TMEM163: variants seen among roughly 807,000 people sequenced by gnomAD.
TMEM163 encodes the protein transmembrane protein 163.
In TMEM163, 17 loss-of-function variants were observed where a neutral mutation model predicts 29.3. The observed-to-expected ratio is 0.58, with a 90% CI of 0.40 to 0.87. TMEM163 has a LOEUF of 0.87. TMEM163 is among the 40% of genes least tolerant of loss of function. The pLI is 0.00. For synonymous variants in TMEM163, 157 were observed against 160.6 expected (o/e 0.98, Z 0.17); for missense variants, 303 against 381.5 (o/e 0.79, Z 1.71).
At chr2:134,574,294 T>A (rs1337007901) in intron 2 of TMEM163, among the ~76,000 whole-genome samples, 1 of 152,248 alleles carries the variant, frequency 6.6e-6, no homozygotes, top group East Asian at 1.9e-4. Context: ...GTACAATGGC[T>A]CATGCCTCTA....
rs1026868012 is a variant in TMEM163, at chr2:134,487,920, T to C, written c.555+14981A>G. On this transcript the variant is annotated intron_variant, in intron 5 of 7. Transcript: ENST00000281924. ...TCTTTTAAAAGATAATACAGGTATA[T>C]ATCTTCATGGCATCAGGGCAATAGA... Among the ~76,000 whole-genome samples the C allele has an allele frequency of 2.6e-4, 39 of 152,208 alleles. 1 individual carries two copies. Among genetic ancestry groups the C allele is most frequent in the African/African-American group, 7.2e-4 (30 of 41,530 alleles).
chr2:134,707,844 A>G (rs1684849543), intron 2 of TMEM163, among the ~76,000 whole-genome samples: 1 of 150,960 alleles, frequency 6.6e-6, no homozygotes, highest in African/African-American at 2.4e-5. Context: ...TCCTGAGGAG[A>G]AGAAGTTTGG....
chr2:134,710,109 A>G (rs780608564), intron 2 of TMEM163, among the ~76,000 whole-genome samples: 3 of 152,176 alleles, frequency 2.0e-5, no homozygotes, highest in Non-Finnish European at 4.4e-5. Flanking sequence ...ATGTCTCCCT[A>G]AAGAGTATAA....
chr2:134,683,468 C>T (rs1016018636), intron 2 of TMEM163, among the ~76,000 whole-genome samples: 1 of 150,688 alleles, frequency 6.6e-6, no homozygotes, highest in African/African-American at 2.4e-5. Context: ...CTAAACTAAA[C>T]TCATTTGTGA....
chr2:134,524,765 A>G (rs1255372537), intron 4 of TMEM163, among the ~76,000 whole-genome samples: 1 of 150,374 alleles, frequency 6.7e-6, no homozygotes, highest in Non-Finnish European at 1.5e-5. Flanking sequence ...TATCCAGTCT[A>G]TCATTGATGG....
In TMEM163 at chr2:134,536,525, A is replaced by G. The variant is rs1680543612; in HGVS notation, c.458+14045T>C. Among the ~76,000 whole-genome samples the G allele has an allele frequency of 3.3e-5, 5 of 152,180 alleles. No individual in the cohort carries two copies. The South Asian group carries it at 1.0e-3, about 32-fold the overall frequency. ...GCTCTGGAGGCTAGCGGCACAGGGCATGAATCCTCACCCCACCAGCAGGAT... is the reference window on the plus strand; with the variant it reads ...GCTCTGGAGGCTAGCGGCACAGGGCGTGAATCCTCACCCCACCAGCAGGAT... On this transcript the variant is annotated intron_variant, in intron 4 of 7. Coordinates refer to ENST00000281924, the MANE Select transcript of TMEM163 (RefSeq NM_030923.5).
At chr2:134,472,116 T>G (rs372802122) in intron 5 of TMEM163, among the ~76,000 whole-genome samples, 9 of 152,354 alleles carry the variant, frequency 5.9e-5, no homozygotes, top group South Asian at 2.1e-4. Context: ...AAAGGTAAAC[T>G]CCACATAAAT....
chr2:134,669,416 T>C (rs1055221984), intron 2 of TMEM163, among the ~76,000 whole-genome samples: 1 of 152,264 alleles, frequency 6.6e-6, no homozygotes, highest in South Asian at 2.1e-4. Context: ...CATCTCCAGA[T>C]GGAAGACACA....
intron 5 of TMEM163, among the ~76,000 whole-genome samples, chr2:134,477,842 C>T (rs1686954824): frequency 6.6e-6 from 1 of 152,176 alleles, no homozygotes; most frequent in African/African-American, 2.4e-5. Context: ...TGAAGCTGTA[C>T]AAGATGTGGA....
chr2:134,501,716 T>C (rs76131702), intron 5 of TMEM163, among the ~76,000 whole-genome samples: 3,415 of 152,144 alleles, frequency 0.022, 94 homozygotes, highest in East Asian at 0.15. Context: ...ACCAGGGAGA[T>C]TGGTTAAGTA....
In TMEM163 at chr2:134,560,960, G is replaced by A. The variant is rs572816692; in HGVS notation, c.323-8869C>T. ...ACCAGCTCAGAGACAAAAAGACAAA[G>A]ACCCCAGCTTTTAATGACAAAACTT... On this transcript the variant is annotated intron_variant, in intron 2 of 7. Coordinates refer to ENST00000281924, the MANE Select transcript of TMEM163 (RefSeq NM_030923.5). Among the ~76,000 whole-genome samples the A allele has an allele frequency of 2.8e-4, 42 of 151,846 alleles. No individual in the cohort carries two copies. In the East Asian group the frequency reaches 5.2e-3, roughly 19 times the overall value.
chr2:134,507,367 A>T (rs1256401088), intron 4 of TMEM163, among the ~76,000 whole-genome samples: 4 of 112,456 alleles, frequency 3.6e-5, no homozygotes, highest in African/African-American at 9.9e-5. Flanking sequence ...TAAATAAATA[A>T]ATAAATAAAT....
rs557252028 is a variant in TMEM163 at position 134,469,665 on chromosome 2, G to C, written c.556-3440C>G. On this transcript the variant is annotated intron_variant, in intron 5 of 7. Transcript: ENST00000281924. Reference sequence around the variant, plus strand: ...TGTGGCTCCACGGGCTCGCCCAGGGGAGAGAGGGGCCGCACCGAGCCCATG... The same window carrying C: ...TGTGGCTCCACGGGCTCGCCCAGGGCAGAGAGGGGCCGCACCGAGCCCATG... The C allele has an allele frequency of 2.6e-5, 4 of 152,412 alleles. No homozygotes were observed. The South Asian group carries it at 8.3e-4, about 32-fold the overall frequency. 9.4% of individuals were successfully genotyped at this position (152,412 alleles called of 1,614,324 possible). A position where few individuals can be genotyped will look rare whatever the true frequency, so the allele number is the denominator to read the frequency against.
chr2:134,700,933 A>AATACATAC (rs1241395014), intron 2 of TMEM163, among the ~76,000 whole-genome samples: 4 of 82,728 alleles, frequency 4.8e-5, no homozygotes, highest in East Asian at 3.5e-4. Flanking sequence ...TAAATAAATA[A>AATACATAC]ATAAATAAAT....
chr2:134,457,640 A>C (rs1686429315), intron 7 of TMEM163, among the ~76,000 whole-genome samples: 1 of 152,190 alleles, frequency 6.6e-6, no homozygotes, highest in Non-Finnish European at 1.5e-5. Flanking sequence ...TGGCCAGCAC[A>C]CTGTTGCATC....
chr2:134,563,018 C>G (rs1431978858), intron 2 of TMEM163, among the ~76,000 whole-genome samples: 1 of 152,200 alleles, frequency 6.6e-6, no homozygotes, highest in East Asian at 1.9e-4. Flanking sequence ...CATCAGTAAT[C>G]CAAACGATTG....
intron 4 of TMEM163, among the ~76,000 whole-genome samples, chr2:134,522,935 A>G (rs1040653103): frequency 1.3e-5 from 2 of 152,198 alleles, no homozygotes; most frequent in African/African-American, 4.8e-5. Flanking sequence ...TGTGATGCCT[A>G]TTCCCCTCCT....
intron 5 of TMEM163, chr2:134,468,181 G>A (rs1271167961): frequency 6.6e-6 from 1 of 152,234 alleles, no homozygotes; most frequent in Admixed American, 6.5e-5. Flanking sequence ...TAATTGCCAG[G>A]GTGACGGTAT....
chr2:134,607,092 G>A (rs1574276393), intron 2 of TMEM163, among the ~76,000 whole-genome samples: 1 of 129,870 alleles, frequency 7.7e-6, no homozygotes, highest in Non-Finnish European at 1.7e-5. Flanking sequence ...CCCGAGAACT[G>A]TGCTGGTGAA....
Sources: allele counts gnomAD v4.1 joint callset (sites outside exome capture counted in the v4.1 genomes callset), GRCh38; gene constraint gnomAD v4.1.1; transcripts MANE v1.5; gene names NCBI Gene and HGNC (gene_info 2026-07-23, HGNC 2026-07-21).